Variants in RUNX1 observed in about 807,000 individuals in gnomAD.
RUNX1 encodes the protein runt-related transcription factor 1.
In RUNX1, 19 loss-of-function variants were observed where a neutral mutation model predicts 42.8. The ratio of observed to expected loss-of-function variants is 0.44; its 90% confidence interval spans 0.31 to 0.65. The LOEUF (loss-of-function observed/expected upper bound fraction) is 0.65. RUNX1 is among the 30% of genes least tolerant of loss of function. RUNX1 has a pLI of 0.07. For missense variants in RUNX1, 528 were observed against 672.0 expected, an observed-to-expected ratio of 0.79 and a Z score of 2.37; for synonymous variants, 271 against 289.4, an observed-to-expected ratio of 0.94 and a Z score of 0.64.
chr21:34,804,955 G>A (rs1052268675), intron 7 of RUNX1, among the ~76,000 whole-genome samples: 3 of 151,844 alleles, frequency 2.0e-5, no homozygotes, highest in Admixed American at 6.6e-5. Flanking sequence ...GTTTCACCAT[G>A]TTGGCTAGGT....
At chr21:35,016,045 A>C (rs2059157010) in intron 2 of RUNX1, among the ~76,000 whole-genome samples, 1 of 152,212 alleles carries the variant, frequency 6.6e-6, no homozygotes, top group Non-Finnish European at 1.5e-5. Flanking sequence ...AGAACTACTC[A>C]AGTAGCCTGG....
intron 5 of RUNX1, among the ~76,000 whole-genome samples, chr21:34,865,495 T>C (rs191618006): frequency 5.2e-4 from 79 of 152,272 alleles, no homozygotes; most frequent in African/African-American, 1.9e-3. Context: ...GTTGTCTCCC[T>C]CGACGCCAGT....
chr21:34,997,524 G>A (rs1007654233), intron 2 of RUNX1, among the ~76,000 whole-genome samples: 2 of 152,180 alleles, frequency 1.3e-5, no homozygotes, highest in Non-Finnish European at 2.9e-5. Flanking sequence ...TTGCCAAGAG[G>A]GATTGCTAAA....
chr21:34,921,193 A>G (rs1287304360), intron 2 of RUNX1, among the ~76,000 whole-genome samples: 2 of 152,288 alleles, frequency 1.3e-5, no homozygotes, highest in South Asian at 2.1e-4. Context: ...CACTAAATAT[A>G]TTCACACTGT....
At chr21:34,894,483 A>G (rs1337835286) in intron 2 of RUNX1, among the ~76,000 whole-genome samples, 1 of 151,798 alleles carries the variant, frequency 6.6e-6, no homozygotes, top group Non-Finnish European at 1.5e-5. Flanking sequence ...GTGTGGTTAA[A>G]TTGGGGAGGG....
At chr21:35,002,410 AT>A (rs1194671558) in intron 2 of RUNX1, among the ~76,000 whole-genome samples, 4 of 146,096 alleles carry the variant, frequency 2.7e-5, no homozygotes, top group Non-Finnish European at 4.5e-5. Flanking sequence ...TTATTTATTT[AT>A]TTATTTATTT....
intron 2 of RUNX1, among the ~76,000 whole-genome samples, chr21:35,043,029 A>G (rs538234470): frequency 9.9e-4 from 151 of 152,256 alleles, no homozygotes; most frequent in African/African-American, 3.5e-3. Context: ...TGTCTCCCCA[A>G]CAAAGAGTGA....
At chr21:34,886,802 G>A in intron 4 of RUNX1, 41 bp downstream of exon 4, 1 of 1,610,770 alleles carries the variant, frequency 6.2e-7, no homozygotes, top group Non-Finnish European at 8.5e-7. Context: ...CGGCCTCGCC[G>A]GCCTCCGCCT....
At chr21:34,877,496 G>A (rs1010763720) in intron 5 of RUNX1, among the ~76,000 whole-genome samples, 2 of 152,188 alleles carry the variant, frequency 1.3e-5, no homozygotes, top group African/African-American at 4.8e-5. Context: ...GTAAAGGAGC[G>A]GTCGATTTAC....
At chr21:34,814,014 T>A (rs1267557920) in intron 7 of RUNX1, among the ~76,000 whole-genome samples, 4 of 152,168 alleles carry the variant, frequency 2.6e-5, no homozygotes, top group African/African-American at 9.7e-5. Context: ...AGTTACCATG[T>A]ACTGACAGAA....
intron 2 of RUNX1, among the ~76,000 whole-genome samples, chr21:34,930,297 A>T (rs117091111): frequency 0.06 from 7,757 of 128,776 alleles, 391 homozygotes; most frequent in African/African-American, 0.14. Context: ...TATATAAATA[A>T]ATAAATAAAA....
At chr21:34,884,238 T>C (rs906652408) in intron 4 of RUNX1, among the ~76,000 whole-genome samples, 4 of 152,176 alleles carry the variant, frequency 2.6e-5, no homozygotes, top group Non-Finnish European at 5.9e-5. Flanking sequence ...GGAGAACAGG[T>C]TGGGGCTCAA....
At chr21:34,942,996 C>T (rs1252382458) in intron 2 of RUNX1, among the ~76,000 whole-genome samples, 5 of 152,170 alleles carry the variant, frequency 3.3e-5, no homozygotes, top group African/African-American at 9.7e-5. Flanking sequence ...CTGAGGGCAG[C>T]GAGTACGCCT....
rs1462531200 is a variant in RUNX1 at position 34,790,234 on chromosome 21, T to C, written c.*1901A>G. The C allele has an allele frequency of 8.6e-6, 2 of 233,162 alleles. No homozygotes were observed. The highest frequency in any genetic ancestry group is 4.4e-5 in the African/African-American group (2 of 45,332). The allele number at this position is 233,162 out of a possible 1,614,324, so 14.4% of individuals were successfully genotyped here. A position where few individuals can be genotyped will look rare whatever the true frequency, so the allele number is the denominator to read the frequency against. On this transcript the variant is annotated 3_prime_UTR_variant, in exon 9 of 9. Transcript: ENST00000675419. ...GTGTAAAACAAATAATCAATATATATATAAGAAAACTCAAAAACAAGTTGT... is the reference window on the plus strand; with the variant it reads ...GTGTAAAACAAATAATCAATATATACATAAGAAAACTCAAAAACAAGTTGT...
At chr21:34,866,928 A>G (rs533244246) in intron 5 of RUNX1, among the ~76,000 whole-genome samples, 158 of 152,350 alleles carry the variant, frequency 1.0e-3, no homozygotes, top group African/African-American at 3.5e-3. Flanking sequence ...TTTTCCATGG[A>G]AATGGCATTT....
At chr21:34,950,216 C>T (rs2146665567) in intron 2 of RUNX1, among the ~76,000 whole-genome samples, 1 of 152,292 alleles carries the variant, frequency 6.6e-6, no homozygotes, top group East Asian at 1.9e-4. Context: ...CATTGTTACA[C>T]AGCTACATTG....
intron 2 of RUNX1, among the ~76,000 whole-genome samples, chr21:34,967,745 G>C (rs1337872350): frequency 1.3e-5 from 2 of 152,180 alleles, no homozygotes; most frequent in Non-Finnish European, 2.9e-5. Flanking sequence ...TCAAATGTTT[G>C]AGTGAAAGAC....
intron 6 of RUNX1, 141 bp downstream of exon 6, chr21:34,859,333 A>C: frequency 2.8e-6 from 2 of 715,122 alleles, no homozygotes; most frequent in Non-Finnish European, 5.1e-6. Flanking sequence ...TTGACAATGC[A>C]ACTTTTTGGC....
chr21:34,919,805 G>A (rs761005206), intron 2 of RUNX1, among the ~76,000 whole-genome samples: 7 of 152,292 alleles, frequency 4.6e-5, no homozygotes, highest in African/African-American at 1.4e-4. Context: ...ACATTAGAAC[G>A]AACTATTTCA....
Sources: gnomAD v4.1 joint callset for allele counts (sites outside exome capture counted in the v4.1 genomes callset) on GRCh38, gnomAD v4.1.1 for gene constraint, MANE v1.5 for transcripts, NCBI Gene and HGNC (gene_info 2026-07-23, HGNC 2026-07-21) for gene names.